Variants in VWC2L observed in about 807,000 individuals in gnomAD.
VWC2L encodes von Willebrand factor C domain-containing protein 2-like.
In VWC2L, 10 loss-of-function variants were observed where a neutral mutation model predicts 21.6. The ratio of observed to expected loss-of-function variants is 0.46; its 90% CI spans 0.29 to 0.78. The LOEUF (loss-of-function observed/expected upper bound fraction) is 0.78. Ranked by LOEUF, VWC2L falls within the 30% of genes least tolerant of loss-of-function variation. The pLI is 0.10. For missense variants in VWC2L, 209 were observed against 277.1 expected, an observed-to-expected ratio of 0.75 and a Z score of 1.74; for synonymous variants, 96 against 94.3, an observed-to-expected ratio of 1.02 and a Z score of -0.10.
At chr2:214,417,730 A>G (rs1702378774) in intron 2 of VWC2L, among the ~76,000 whole-genome samples, 1 of 152,196 alleles carries the variant, frequency 6.6e-6, no homozygotes, top group African/African-American at 2.4e-5. Context: ...CAAAATATTT[A>G]GATTCATCTG....
chr2:214,527,659 A>C (rs1269828265), intron 3 of VWC2L, among the ~76,000 whole-genome samples: 2 of 152,162 alleles, frequency 1.3e-5, no homozygotes, highest in African/African-American at 2.4e-5. Flanking sequence ...CTGAGCTGGT[A>C]AGAGATGGTA....
chr2:214,496,714 AT>A (rs1213384909), intron 3 of VWC2L, among the ~76,000 whole-genome samples: 1 of 152,232 alleles, frequency 6.6e-6, no homozygotes, highest in Non-Finnish European at 1.5e-5. Context: ...AACTTCAATA[AT>A]TAAATGTTGC....
chr2:214,537,281 A>G (rs1689549684), intron 3 of VWC2L, among the ~76,000 whole-genome samples: 1 of 152,064 alleles, frequency 6.6e-6, no homozygotes, highest in Non-Finnish European at 1.5e-5. Context: ...AATTAAATAT[A>G]CCACATTTTC....
At chr2:214,542,215 G>A (rs796499462) in intron 3 of VWC2L, among the ~76,000 whole-genome samples, 32 of 152,256 alleles carry the variant, frequency 2.1e-4, no homozygotes, top group African/African-American at 7.5e-4. Context: ...GCTCACTGGG[G>A]ACTATTTGCA....
intron 2 of VWC2L, among the ~76,000 whole-genome samples, chr2:214,416,528 T>C (rs1210441599): frequency 6.6e-6 from 1 of 152,054 alleles, no homozygotes; most frequent in Non-Finnish European, 1.5e-5. Context: ...AGAGACTATA[T>C]AGGGCAAATG....
At position 214,578,086 on chromosome 2, in the gene VWC2L, C is replaced by T. The variant is rs1039279754; in HGVS notation, c.*2266C>T. On this transcript the variant is annotated 3_prime_UTR_variant, in exon 4 of 4. Transcript: ENST00000312504. ...ATGTATTATAGAGCTTTCTTTGCCC[C>T]GAGGTTGCCTGTTGCCAACTTCAAA... 2.0e-5 allele frequency: 3 copies of T among 152,072 alleles called. No individual in the cohort carries two copies. Among genetic ancestry groups the T allele is most frequent in the African/African-American group, 4.8e-5 (2 of 41,418 alleles). The allele number at this position is 152,072 out of a possible 1,614,324, so 9.4% of individuals were successfully genotyped here.
At chr2:214,479,841 A>G (rs1688577269) in intron 3 of VWC2L, among the ~76,000 whole-genome samples, 1 of 152,180 alleles carries the variant, frequency 6.6e-6, no homozygotes, top group African/African-American at 2.4e-5. Flanking sequence ...CATTCAATCT[A>G]ATAAGATTGT....
chr2:214,542,294 ACCCACCAGGATCGCATT>A (rs1165214438), intron 3 of VWC2L, among the ~76,000 whole-genome samples: 2 of 152,062 alleles, frequency 1.3e-5, no homozygotes, highest in African/African-American at 4.8e-5. Flanking sequence ...CACCTCCAAA[ACCCACCAGGATCGCATT>A]CCCTCTCAGG....
intron 3 of VWC2L, among the ~76,000 whole-genome samples, chr2:214,442,660 A>G (rs1702777941): frequency 6.6e-6 from 1 of 151,948 alleles, no homozygotes; most frequent in Admixed American, 6.5e-5. Flanking sequence ...TTTATAATTT[A>G]AAATATTTTA....
At chr2:214,499,862 C>A (rs1688867167) in intron 3 of VWC2L, among the ~76,000 whole-genome samples, 1 of 152,098 alleles carries the variant, frequency 6.6e-6, no homozygotes, top group Non-Finnish European at 1.5e-5. Context: ...CTTTTCTGAG[C>A]ACTGAGGAGA....
intron 3 of VWC2L, among the ~76,000 whole-genome samples, chr2:214,573,727 G>A (rs899465651): frequency 6.6e-6 from 1 of 152,216 alleles, no homozygotes; most frequent in African/African-American, 2.4e-5. Context: ...TTCCCAGGGA[G>A]CTGTAGACCC....
chr2:214,421,686 G>T (rs1215462165), intron 2 of VWC2L, among the ~76,000 whole-genome samples: 1 of 151,772 alleles, frequency 6.6e-6, no homozygotes, highest in Non-Finnish European at 1.5e-5. Flanking sequence ...ATTCCTTACT[G>T]ACTCACCCAC....
intron 3 of VWC2L, among the ~76,000 whole-genome samples, chr2:214,447,877 C>T (rs1344353962): frequency 3.3e-5 from 5 of 152,024 alleles, no homozygotes; most frequent in Non-Finnish European, 7.4e-5. Flanking sequence ...CCAACCCCTC[C>T]TTTCCCAGCA....
intron 3 of VWC2L, among the ~76,000 whole-genome samples, chr2:214,524,468 C>T (rs988388402): frequency 1.3e-5 from 2 of 152,142 alleles, no homozygotes; most frequent in African/African-American, 4.8e-5. Context: ...TAAGTTTTCT[C>T]TAAAAATGAG....
chr2:214,570,388 G>A (rs774297539), intron 3 of VWC2L, among the ~76,000 whole-genome samples: 1 of 152,170 alleles, frequency 6.6e-6, no homozygotes, highest in Non-Finnish European at 1.5e-5. Flanking sequence ...ATTCGAGATA[G>A]GGTCTCACTT....
chr2:214,552,595 C>A (rs890372210), intron 3 of VWC2L, among the ~76,000 whole-genome samples: 1 of 152,156 alleles, frequency 6.6e-6, no homozygotes, highest in Non-Finnish European at 1.5e-5. Flanking sequence ...GTTATATCAT[C>A]CTACTCCTAT....
At chr2:214,563,867 G>A (rs1432424513) in intron 3 of VWC2L, among the ~76,000 whole-genome samples, 2 of 152,146 alleles carry the variant, frequency 1.3e-5, no homozygotes, top group Non-Finnish European at 2.9e-5. Context: ...AAGAAATAAA[G>A]TGTATTCAAA....
intron 3 of VWC2L, among the ~76,000 whole-genome samples, chr2:214,513,640 T>C (rs10187238): frequency 0.53 from 80,848 of 151,818 alleles, 21,939 homozygotes; most frequent in East Asian, 0.73. Context: ...AGCTATTCAA[T>C]ATATAATTTT....
rs568259894 is a variant in VWC2L at position 214,511,656 on chromosome 2, C to T, written c.521-64016C>T. Among the ~76,000 whole-genome samples, 7 of 152,028 alleles carry T rather than the reference C, an allele frequency of 4.6e-5. 1 individual carries two copies. In the South Asian group the frequency reaches 1.0e-3, roughly 23 times the overall value. On this transcript the variant is annotated intron_variant, in intron 3 of 3. Transcript: ENST00000312504. ...AGAACTGAGAGAAATAAATGTCTGT[C>T]GTTTAAGCTACCCAGTGGTATTTCG...
Sources: gnomAD v4.1 joint callset for allele counts (sites outside exome capture counted in the v4.1 genomes callset) on GRCh38, gnomAD v4.1.1 for gene constraint, MANE v1.5 for transcripts, NCBI Gene and HGNC (gene_info 2026-07-23, HGNC 2026-07-21) for gene names.